The following CELA3B variants were observed in gnomAD, a reference collection of about 807,000 sequenced individuals.
CELA3B encodes the protein chymotrypsin like elastase 3B.
CELA3B carries 34 observed loss-of-function variants against 37.2 expected under a neutral mutation model. That is an observed-to-expected ratio of 0.91 (90% CI 0.70 to 1.22). The LOEUF (loss-of-function observed/expected upper bound fraction) is 1.22, where lower values mean the gene tolerates loss of function less well. CELA3B is among the 50% of genes most tolerant of loss of function. CELA3B has a pLI of 0.00. For synonymous variants in CELA3B, 127 were observed against 143.5 expected, an observed-to-expected ratio of 0.89 and a Z score of 0.82; for missense variants, 340 against 363.1, an observed-to-expected ratio of 0.94 and a Z score of 0.52.
At chr1:21,985,251 C>G (rs1644830788) in intron 6 of CELA3B, among the ~76,000 whole-genome samples, 1 of 149,574 alleles carries the variant, frequency 6.7e-6, no homozygotes, top group Non-Finnish European at 1.5e-5. Flanking sequence ...CCACTGCACT[C>G]AAGCCTGGGC....
At chr1:21,988,137 G>A (rs1290497385) in intron 7 of CELA3B, among the ~76,000 whole-genome samples, 1 of 151,548 alleles carries the variant, frequency 6.6e-6, no homozygotes, top group African/African-American at 2.4e-5. Flanking sequence ...GCTTGAATCT[G>A]GGAGGCGGAG....
intron 1 of CELA3B, among the ~76,000 whole-genome samples, 183 bp downstream of exon 1, chr1:21,977,265 G>A (rs1246447352): frequency 1.3e-5 from 2 of 152,144 alleles, no homozygotes; most frequent in East Asian, 3.9e-4. Flanking sequence ...GAGTGGAGGG[G>A]AAGCCGTGGA....
chr1:21,979,803 C>A (rs1366830480), intron 2 of CELA3B, among the ~76,000 whole-genome samples: 1 of 147,744 alleles, frequency 6.8e-6, no homozygotes, highest in Non-Finnish European at 1.5e-5. Flanking sequence ...TAGTGGCTAC[C>A]ATATTGGACA....
chr1:21,981,821 G>T (rs1182440927), intron 4 of CELA3B, among the ~76,000 whole-genome samples: 1 of 151,894 alleles, frequency 6.6e-6, no homozygotes, highest in Non-Finnish European at 1.5e-5. Context: ...TGCCTCCCGG[G>T]TTCACACCAT....
intron 4 of CELA3B, among the ~76,000 whole-genome samples, chr1:21,996,681 C>A (rs1338020254): frequency 6.6e-6 from 1 of 151,116 alleles, no homozygotes; most frequent in African/African-American, 2.5e-5. Flanking sequence ...AGATTGGGAC[C>A]CCTTTCCTGT....
intron 6 of CELA3B, among the ~76,000 whole-genome samples, chr1:21,984,732 A>T (rs532350934): frequency 6.6e-6 from 1 of 152,030 alleles, no homozygotes; most frequent in Non-Finnish European, 1.5e-5. Context: ...GGATCACTTG[A>T]GGTCAGGAGT....
rs867111852 is a variant in CELA3B at position 21,984,189 on chromosome 1, C to T, written c.500C>T (p.Thr167Ile). 3 of 1,612,366 alleles carry T rather than the reference C, an allele frequency of 1.9e-6. No individual in the cohort carries two copies. Among genetic ancestry groups the T allele is most frequent in the Non-Finnish European group, 2.5e-6 (3 of 1,179,146 alleles). The change falls in exon 6 of 8, where the codon ACC becomes ATC. Residue 167 changes from threonine to isoleucine, a missense_variant and splice_region_variant. Transcript: ENST00000337107. ...GACTCGGTGCTTTTTATCGCTGCAG[C>T]CAACGGGCCACTCCCAGACAAGCTG... ...CYITGWGRLY[T>I]NGPLPDKLQE...
downstream of CELA3B, among the ~76,000 whole-genome samples, chr1:21,991,339 A>G (rs1644867732): frequency 7.2e-6 from 1 of 139,718 alleles, no homozygotes; most frequent in Non-Finnish European, 1.5e-5. Context: ...TGCCTGGCTT[A>G]TTTTTTTTGT....
Position 21,983,739 on chromosome 1 carries a change from A to C in CELA3B, c.408A>C (p.Gly136=). 1 of 1,614,026 alleles carries C rather than the reference A, an allele frequency of 6.2e-7. No individual in the cohort carries two copies. Among genetic ancestry groups the C allele is most frequent in the South Asian group, 1.1e-5 (1 of 91,050 alleles). ...LIKLSRSAQL[G]DAVQLASLPP... ...AGCTCTCACGCAGCGCCCAGCTGGGAGACGCCGTCCAGCTCGCCTCACTCC... is the reference window on the plus strand; with the variant it reads ...AGCTCTCACGCAGCGCCCAGCTGGGCGACGCCGTCCAGCTCGCCTCACTCC... Residue 136 remains glycine, a synonymous_variant, in exon 5 of 8, where the codon GGA becomes GGC. Coordinates refer to ENST00000337107, the MANE Select transcript of CELA3B (RefSeq NM_007352.4).
At chr1:21,995,078 T>C (rs1329891217) in intron 4 of CELA3B, among the ~76,000 whole-genome samples, 1 of 150,110 alleles carries the variant, frequency 6.7e-6, no homozygotes, top group Non-Finnish European at 1.5e-5. Flanking sequence ...CTGAAAATAT[T>C]TGTATTTTGT....
downstream of CELA3B, among the ~76,000 whole-genome samples, chr1:21,993,461 CAAAAAAA>C (rs58752734): frequency 2.2e-4 from 18 of 81,650 alleles, no homozygotes; most frequent in East Asian, 5.0e-3. Flanking sequence ...ACCTCCTCTC[CAAAAAAA>C]AAAAAAAAAA....
At chr1:21,986,272 A>C (rs951082922) in intron 6 of CELA3B, among the ~76,000 whole-genome samples, 1 of 151,946 alleles carries the variant, frequency 6.6e-6, no homozygotes. Flanking sequence ...AGGAGGCTGA[A>C]GCAGGAGAAA....
chr1:21,977,078 C>T lies in CELA3B; in HGVS notation c.39C>T (p.Ala13=), dbSNP rs753334728. 23 of 1,614,154 alleles carry T rather than the reference C, an allele frequency of 1.4e-5. No homozygotes were observed. Among genetic ancestry groups the T allele is most frequent in the South Asian group, 3.3e-5 (3 of 91,088 alleles). The change falls in exon 1 of 8, where the codon GCC becomes GCT. Residue 13 remains alanine, a synonymous_variant. Coordinates refer to ENST00000337107, the MANE Select transcript of CELA3B (RefSeq NM_007352.4). The part of the protein sequence containing the change: ...LRLLSSLLLV[A]VASGYGPPSS... ...TGCTCAGTTCCCTCCTCCTTGTGGC[C>T]GTTGGTAAGACCCCAACCTGTGTGT...
rs770017324 is a variant in CELA3B at position 21,984,280 on chromosome 1, C to T, written c.591C>T (p.Ser197=). 55 of 1,614,136 alleles carry T rather than the reference C, an allele frequency of 3.4e-5. No individual in the cohort carries two copies. The highest frequency in any genetic ancestry group is 2.8e-4 in the African/African-American group (21 of 75,044). Residue 197 remains serine, a synonymous_variant, in exon 6 of 8, where the codon TCC becomes TCT. Coordinates refer to ENST00000337107, the MANE Select transcript of CELA3B (RefSeq NM_007352.4). ...HCSRWNWWGS[S]VKKTMVCAGG... ...CCAGGTGGAACTGGTGGGGTTCCTC[C>T]GTGAAGAAGACCATGGTGTGTGCTG...
intron 2 of CELA3B, among the ~76,000 whole-genome samples, chr1:21,979,422 C>G (rs6688236): frequency 6.7e-6 from 1 of 148,244 alleles, no homozygotes; most frequent in Non-Finnish European, 1.5e-5. Context: ...TCAGTGCTTG[C>G]CATATTTCTT....
intron 4 of CELA3B, among the ~76,000 whole-genome samples, chr1:21,982,724 C>T (rs1182420284): frequency 6.6e-6 from 1 of 152,060 alleles, no homozygotes; most frequent in African/African-American, 2.4e-5. Context: ...GTCACCCAGG[C>T]TGGAGTGCAG....
At chr1:21,995,409 A>G (rs1163818446) in intron 4 of CELA3B, among the ~76,000 whole-genome samples, 2 of 151,048 alleles carry the variant, frequency 1.3e-5, no homozygotes, top group African/African-American at 4.9e-5. Flanking sequence ...AAGTGCTAGG[A>G]TTACAGGCAT....
At chr1:21,986,836 T>A in intron 7 of CELA3B, 153 bp downstream of exon 7, 2 of 853,586 alleles carry the variant, frequency 2.3e-6, no homozygotes, top group Non-Finnish European at 3.6e-6. Context: ...GGCTTGGGGA[T>A]GTTTTCTGAT....
At chr1:21,988,527 G>T (rs1644852346) in intron 7 of CELA3B, among the ~76,000 whole-genome samples, 1 of 147,054 alleles carries the variant, frequency 6.8e-6, no homozygotes, top group African/African-American at 2.5e-5. Flanking sequence ...GGAGGCAGAA[G>T]TTGCAGTGAG....
Sources: allele counts gnomAD v4.1 joint callset (sites outside exome capture counted in the v4.1 genomes callset), GRCh38; gene constraint gnomAD v4.1.1; transcripts MANE v1.5; gene names NCBI Gene and HGNC (gene_info 2026-07-23, HGNC 2026-07-21).